Variants in ESPNL observed in about 807,000 individuals in gnomAD.
ESPNL encodes espin like.
In ESPNL, 49 loss-of-function variants were observed where a neutral mutation model predicts 46.8. That is an observed-to-expected ratio of 1.05 (90% CI 0.83 to 1.33). ESPNL has a LOEUF of 1.33. ESPNL is among the 40% of genes most tolerant of loss of function. The pLI is 0.00. For missense variants in ESPNL, 1,540 were observed against 1,436.6 expected, an observed-to-expected ratio of 1.07 and a Z score of -1.16; for synonymous variants, 664 against 662.1, an observed-to-expected ratio of 1.00 and a Z score of -0.04.
At chr2:238,127,311 C>G (rs970138468) in intron 6 of ESPNL, 1 of 1,162,792 alleles carries the variant, frequency 8.6e-7, no homozygotes, top group Non-Finnish European at 1.1e-6. Flanking sequence ...AGCTTTGGGG[C>G]CTGCAGAGCT....
chr2:238,102,232 A>T, intron 2 of ESPNL, 101 bp downstream of exon 2: 1 of 1,068,530 alleles, frequency 9.4e-7, no homozygotes. Context: ...GTGGCCTTTG[A>T]GGTGAATCCT....
Position 238,104,725 on chromosome 2 carries a change from C to G in ESPNL, c.555C>G (p.His185Gln). ...LYLACQEGHLHLAQFLVKDCG... is the reference protein window; with the variant it reads ...LYLACQEGHLQLAQFLVKDCG... ...TGGCCTGCCAGGAGGGCCACCTGCA[C>G]CTGGCCCAGTTCCTGGTGAAGGACT... The change falls in exon 3 of 9, where the codon CAC becomes CAG. Residue 185 changes from histidine to glutamine, a missense_variant. His to Gln is a conservative substitution (Grantham distance 24). Transcript: ENST00000343063. The G allele has an allele frequency of 6.2e-7, 1 of 1,608,530 alleles. No homozygotes were observed. The highest frequency in any genetic ancestry group is 8.5e-7 in the Non-Finnish European group (1 of 1,178,580).
intron 4 of ESPNL, among the ~76,000 whole-genome samples, chr2:238,112,474 G>T (rs1691735125): frequency 1.1e-4 from 7 of 62,502 alleles, no homozygotes; most frequent in Admixed American, 9.5e-4. Context: ...CTTATTCAAG[G>T]TCCTCCAAAA....
rs190347409 is a variant in ESPNL, at chr2:238,131,579, C to T, written c.2865C>T (p.Ala955=). ...TGCTCGGGCCCCTGCCTCACGCCGCCGTCCCCTGCAGCGGCCCTGAGCCCA... is the reference window on the plus strand; with the variant it reads ...TGCTCGGGCCCCTGCCTCACGCCGCTGTCCCCTGCAGCGGCCCTGAGCCCA... ...LTLLGPLPHA[A]VPCSGPEPTA... Residue 955 remains alanine (A), a synonymous_variant, in exon 9 of 9, where the codon GCC becomes GCT. Coordinates refer to ENST00000343063, the MANE Select transcript of ESPNL (RefSeq NM_194312.4). 3.0e-4 allele frequency: 485 copies of T among 1,611,444 alleles called. 4 individuals carry two copies. In the South Asian group the frequency reaches 3.6e-3, roughly 12 times the overall value.
intron 6 of ESPNL, among the ~76,000 whole-genome samples, chr2:238,125,879 G>C (rs1692095397): frequency 6.6e-6 from 1 of 152,228 alleles, no homozygotes; most frequent in Non-Finnish European, 1.5e-5. Context: ...CTGCGGCCCT[G>C]TACTCACATG....
intron 8 of ESPNL, among the ~76,000 whole-genome samples, chr2:238,129,884 C>T (rs990758835): frequency 4.1e-4 from 63 of 152,258 alleles, no homozygotes; most frequent in Non-Finnish European, 4.4e-5. Flanking sequence ...GTCTGAGGGC[C>T]CAGCCTGTCC....
chr2:238,131,262 T>C lies in ESPNL; in HGVS notation c.2548T>C (p.Tyr850His). ...CCACGTGGACGGGGCTCCGGTGCCC[T>C]ACAGCAGCCTCTCACTGGATCTCTT... ...LPHVDGAPVP[Y>H]SSLSLDLFML... Residue 850 changes from tyrosine to histidine, a missense_variant, in exon 9 of 9, where the codon TAC (tyrosine) becomes CAC (histidine). Tyr to His is a moderately conservative substitution (Grantham distance 83, BLOSUM62 2). Transcript: ENST00000343063. 6.3e-7 allele frequency: 1 copy of C among 1,575,982 alleles called. No homozygotes were observed. Among genetic ancestry groups the C allele is most frequent in the Non-Finnish European group, 8.6e-7 (1 of 1,163,200 alleles).
intron 4 of ESPNL, among the ~76,000 whole-genome samples, chr2:238,111,028 C>G (rs974636363): frequency 7.0e-5 from 10 of 142,326 alleles, no homozygotes; most frequent in Admixed American, 3.8e-4. Context: ...TCTCTGCTCA[C>G]TGCAACCTCT....
intron 7 of ESPNL, among the ~76,000 whole-genome samples, chr2:238,128,301 C>G (rs1356742324): frequency 6.6e-6 from 1 of 152,210 alleles, no homozygotes; most frequent in South Asian, 2.1e-4. Flanking sequence ...GGAGCGCGCA[C>G]GGCACATTGA....
chr2:238,130,289 G>A lies in ESPNL; in HGVS notation c.1575G>A (p.Glu525=). Residue 525 remains glutamate (E), a synonymous_variant, in exon 9 of 9, where the codon GAG becomes GAA. Transcript: ENST00000343063. ...ADLQLRRRCQ[E]YESELGRLAA... ...TGCAGCTTCGGCGCCGCTGTCAGGA[G>A]TATGAGAGTGAGCTGGGCCGGTTGG... 1 of 1,607,478 alleles carries A rather than the reference G, an allele frequency of 6.2e-7. No individual in the cohort carries two copies. The highest frequency in any genetic ancestry group is 8.5e-7 in the Non-Finnish European group (1 of 1,177,550).
At chr2:238,124,385 A>G (rs1371780825) in intron 5 of ESPNL, among the ~76,000 whole-genome samples, 1 of 152,116 alleles carries the variant, frequency 6.6e-6, no homozygotes, top group Non-Finnish European at 1.5e-5. Flanking sequence ...TGGTGGGCAC[A>G]TTGGGGACCC....
chr2:238,128,239 C>A (rs1399384936), intron 7 of ESPNL, among the ~76,000 whole-genome samples: 1 of 152,318 alleles, frequency 6.6e-6, no homozygotes, highest in South Asian at 2.1e-4. Context: ...TTGAGGTGTT[C>A]GGTGGGAGTC....
Position 238,128,835 on chromosome 2 carries a change from G to A in ESPNL, c.1344G>A (p.Glu448=), listed in dbSNP as rs1692205051. The stretch of plus-strand genomic sequence containing the variant: ...ATGAGCGCGGCCAGCCCATCCCAGA[G>A]TGGAAGCGGCAGGTGATGGTGCGGA... ...TRDERGQPIP[E]WKRQVMVRKL... Residue 448 remains glutamate, a synonymous_variant, in exon 8 of 9, where the codon GAG becomes GAA. Transcript: ENST00000343063. 6.5e-7 allele frequency: 1 copy of A among 1,549,728 alleles called. No individual in the cohort carries two copies. The highest frequency in any genetic ancestry group is 2.0e-5 in the Admixed American group (1 of 51,088).
At chr2:238,101,746 C>G (rs1691482591) in intron 1 of ESPNL, among the ~76,000 whole-genome samples, 195 bp from the exon 2 acceptor site, 1 of 152,172 alleles carries the variant, frequency 6.6e-6, no homozygotes. Context: ...GAGTCCTGGC[C>G]CTCCTCTCAC....
intron 5 of ESPNL, among the ~76,000 whole-genome samples, chr2:238,119,547 AGGTG>A: frequency 9.6e-6 from 1 of 104,560 alleles, no homozygotes; most frequent in African/African-American, 4.4e-5. Flanking sequence ...TGGATGGAGG[AGGTG>A]GATGAAGGAG....
chr2:238,108,621 T>A (rs1448136539), intron 4 of ESPNL, among the ~76,000 whole-genome samples: 1 of 152,094 alleles, frequency 6.6e-6, no homozygotes, highest in African/African-American at 2.4e-5. Flanking sequence ...CTCCATGAAG[T>A]CTCCTGGTTC....
At chr2:238,123,495 C>A (rs559852553) in intron 5 of ESPNL, among the ~76,000 whole-genome samples, 9 of 152,270 alleles carry the variant, frequency 5.9e-5, no homozygotes, top group Admixed American at 1.3e-4. Context: ...TCATGGGGCC[C>A]AGGGATCTCA....
chr2:238,127,033 G>C (rs998827166), intron 6 of ESPNL, among the ~76,000 whole-genome samples: 11 of 148,746 alleles, frequency 7.4e-5, no homozygotes, highest in African/African-American at 2.7e-4. Flanking sequence ...TTGTGTGTCT[G>C]TTCTGTGTGT....
At position 238,130,181 on chromosome 2, in the gene ESPNL, G is replaced by C; in HGVS notation, c.1467G>C (p.Gln489His). ...AGCAGGCGGCCTGGAGGTACTCACA[G>C]ACTCATCAGGCCATCCTGGGGCCCT... ...PTEQAAWRYS[Q>H]THQAILGPFG... Residue 489 changes from glutamine (Q) to histidine (H), a missense_variant, in exon 9 of 9, where the codon CAG becomes CAC. Gln to His is a conservative substitution (Grantham distance 24, BLOSUM62 0). Transcript: ENST00000343063. 1 of 1,612,958 alleles carries C rather than the reference G, an allele frequency of 6.2e-7. No homozygotes were observed. Among genetic ancestry groups the C allele is most frequent in the Non-Finnish European group, 8.5e-7 (1 of 1,179,970 alleles).
Sources: gnomAD v4.1 joint callset for allele counts (sites outside exome capture counted in the v4.1 genomes callset) on GRCh38, gnomAD v4.1.1 for gene constraint, MANE v1.5 for transcripts, NCBI Gene and HGNC (gene_info 2026-07-23, HGNC 2026-07-21) for gene names.